Variants in LTN1 observed in about 807,000 individuals in gnomAD.
LTN1 encodes the protein E3 ubiquitin-protein ligase listerin.
A neutral mutation model predicts 201.2 loss-of-function variants in LTN1; 88 were observed. That is an observed-to-expected ratio of 0.44 (90% confidence interval 0.37 to 0.52). The LOEUF is 0.52. LTN1 is among the 20% of genes least tolerant of loss of function. LTN1 has a pLI of 0.00. For synonymous variants in LTN1, 645 were observed against 713.5 expected (o/e 0.90, Z 1.53); for missense variants, 1,752 against 2,038.7 (o/e 0.86, Z 2.71).
At chr21:28,958,641 AC>A (rs1296456851) in intron 13 of LTN1, 102 bp from the exon 14 acceptor site, 4 of 854,000 alleles carry the variant, frequency 4.7e-6, no homozygotes, top group Non-Finnish European at 6.9e-6. Flanking sequence ...TTTTTTAAAT[AC>A]CATTTAAAAA....
At chr21:28,933,295 C>T (rs1402815572) in intron 27 of LTN1, among the ~76,000 whole-genome samples, 7 of 152,084 alleles carry the variant, frequency 4.6e-5, no homozygotes, top group Admixed American at 3.9e-4. Context: ...TTTTATATTC[C>T]CACTGTTACT....
At chr21:28,979,027 G>A (rs923434543) in intron 6 of LTN1, among the ~76,000 whole-genome samples, 2 of 152,340 alleles carry the variant, frequency 1.3e-5, no homozygotes, top group Non-Finnish European at 2.9e-5. Context: ...CTGAAGGCTA[G>A]AATATAAGGT....
At chr21:28,983,553 A>G (rs1433341163) in intron 4 of LTN1, among the ~76,000 whole-genome samples, 1 of 152,212 alleles carries the variant, frequency 6.6e-6, no homozygotes, top group Non-Finnish European at 1.5e-5. Context: ...CAATCAAGTT[A>G]TGTGTTGGGG....
intron 6 of LTN1, among the ~76,000 whole-genome samples, chr21:28,979,165 T>C (rs1048905787): frequency 6.6e-6 from 1 of 152,144 alleles, no homozygotes; most frequent in Non-Finnish European, 1.5e-5. Flanking sequence ...TGCCTAGTGA[T>C]GGCTAGAATA....
At chr21:28,946,947 A>C (rs1173144461) in intron 19 of LTN1, among the ~76,000 whole-genome samples, 1 of 152,180 alleles carries the variant, frequency 6.6e-6, no homozygotes, top group Non-Finnish European at 1.5e-5. Context: ...CTCTTTGTGA[A>C]ATTGCCACTA....
intron 19 of LTN1, 71 bp from the exon 20 acceptor site, chr21:28,946,358 C>A: frequency 9.9e-7 from 1 of 1,011,322 alleles, no homozygotes; most frequent in Non-Finnish European, 1.4e-6. Flanking sequence ...AAAAAGTCCA[C>A]TTTGAGAAGT....
At chr21:28,958,840 A>G (rs1263424494) in intron 13 of LTN1, among the ~76,000 whole-genome samples, 6 of 152,204 alleles carry the variant, frequency 3.9e-5, no homozygotes, top group South Asian at 2.1e-4. Flanking sequence ...AAAAATTATT[A>G]CACCATTTCC....
chr21:28,955,454 A>G (rs940147492), intron 16 of LTN1, among the ~76,000 whole-genome samples: 1 of 152,218 alleles, frequency 6.6e-6, no homozygotes, highest in Non-Finnish European at 1.5e-5. Flanking sequence ...CACACAATCC[A>G]GCAATCCCAT....
chr21:28,970,484 G>T, intron 8 of LTN1, 68 bp downstream of exon 8: 1 of 1,032,688 alleles, frequency 9.7e-7, no homozygotes, highest in Non-Finnish European at 1.4e-6. Flanking sequence ...ATTTAAGTAA[G>T]AAAGAAAATG....
At position 28,946,202 on chromosome 21, in the gene LTN1, T is replaced by C. The variant is rs2084336258; in HGVS notation, c.3573A>G (p.Lys1191=). The C allele has an allele frequency of 1.9e-6, 3 of 1,590,096 alleles. No homozygotes were observed. Among genetic ancestry groups the C allele is most frequent in the Non-Finnish European group, 2.6e-6 (3 of 1,169,248 alleles). The change falls in exon 20 of 30, where the codon AAA becomes AAG. Residue 1191 remains lysine, a synonymous_variant. Coordinates refer to ENST00000361371, the MANE Select transcript of LTN1 (RefSeq NM_015565.3). ...DDGELLHGIL[K]IIISWKKEHE... is the part of the protein sequence containing the mutation. ...GCTCTTTCTTCCAGGATATTATGATTTTTAATATTCCATGTAATAGCTCTC... is the reference window on the plus strand; with the variant it reads ...GCTCTTTCTTCCAGGATATTATGATCTTTAATATTCCATGTAATAGCTCTC...
chr21:28,944,145 T>C (rs941700671), intron 22 of LTN1, among the ~76,000 whole-genome samples: 3 of 152,214 alleles, frequency 2.0e-5, no homozygotes, highest in African/African-American at 4.8e-5. Context: ...CATCCATTCA[T>C]GTTATCTGAA....
intron 16 of LTN1, among the ~76,000 whole-genome samples, chr21:28,953,956 G>A (rs1032390364): frequency 6.6e-6 from 1 of 152,124 alleles, no homozygotes; most frequent in African/African-American, 2.4e-5. Flanking sequence ...CTAATACACA[G>A]TCACAGCTCC....
chr21:28,954,947 A>G (rs1206756236), intron 16 of LTN1, among the ~76,000 whole-genome samples: 1 of 152,226 alleles, frequency 6.6e-6, no homozygotes, highest in Non-Finnish European at 1.5e-5. Context: ...ATGTTAAACT[A>G]AAAGCTTTCT....
chr21:28,945,821 A>G lies in LTN1; in HGVS notation c.3754T>C (p.Leu1252=). 1 of 1,613,498 alleles carries G rather than the reference A, an allele frequency of 6.2e-7. No homozygotes were observed. Among genetic ancestry groups the G allele is most frequent in the East Asian group, 2.2e-5 (1 of 44,864 alleles). The change falls in exon 21 of 30, where the codon TTG becomes CTG. Residue 1252 remains leucine, a synonymous_variant. Transcript: ENST00000361371. ...SEWDFIMCSM[L]AWLETTSENQ... is the part of the protein sequence containing the mutation. ...GGTTAATTTACCTCCAACCAAGCCA[A>G]CATGGAGCACATGATGAAGTCCCAC...
At chr21:28,987,261 G>C (rs2084705534) in intron 1 of LTN1, among the ~76,000 whole-genome samples, 1 of 152,086 alleles carries the variant, frequency 6.6e-6, no homozygotes, top group South Asian at 2.1e-4. Context: ...TTTAAAATCA[G>C]AATGTATCAC....
At chr21:28,989,592 C>G (rs2084729435) in intron 1 of LTN1, among the ~76,000 whole-genome samples, 2 of 152,028 alleles carry the variant, frequency 1.3e-5, no homozygotes, top group East Asian at 3.9e-4. Flanking sequence ...AGACCTTTCA[C>G]CATCTAACCT....
At chr21:28,969,719 T>G in intron 8 of LTN1, 118 bp from the exon 9 acceptor site, 1 of 593,924 alleles carries the variant, frequency 1.7e-6, no homozygotes, top group East Asian at 3.0e-5. Flanking sequence ...TAAAGCAGTT[T>G]CTTAAACTAC....
chr21:28,953,065 AATTCATAAACTATTT>A, intron 17 of LTN1, 137 bp downstream of exon 17: 1 of 465,928 alleles, frequency 2.1e-6, no homozygotes, highest in Non-Finnish European at 3.7e-6. Flanking sequence ...AAGTATTTAG[AATTCATAAACTATTT>A]ATTATTAAGA....
intron 5 of LTN1, 79 bp from the exon 6 acceptor site, chr21:28,981,378 T>A: frequency 1.3e-6 from 1 of 778,878 alleles, no homozygotes; most frequent in Non-Finnish European, 1.8e-6. Flanking sequence ...ATTTAAAATG[T>A]TTTATCATTA....
Sources: allele counts gnomAD v4.1 joint callset (sites outside exome capture counted in the v4.1 genomes callset), GRCh38; gene constraint gnomAD v4.1.1; transcripts MANE v1.5; gene names NCBI Gene and HGNC (gene_info 2026-07-23, HGNC 2026-07-21).